RBM20: variants seen among roughly 807,000 people sequenced by gnomAD.
RBM20 encodes the protein RNA-binding protein 20.
A neutral mutation model predicts 110.1 loss-of-function variants in RBM20; 51 were observed. The observed-to-expected ratio is 0.46, with a 90% confidence interval of 0.37 to 0.59. The LOEUF (loss-of-function observed/expected upper bound fraction) is 0.59, where lower values mean the gene tolerates loss of function less well. Ranked by LOEUF, RBM20 falls within the 20% of genes least tolerant of loss-of-function variation. The pLI, the probability that RBM20 is intolerant of heterozygous loss-of-function variation, is 0.00. For missense variants in RBM20, 1,512 were observed against 1,574.9 expected, an observed-to-expected ratio of 0.96 and a Z score of 0.68; for synonymous variants, 589 against 618.2, an observed-to-expected ratio of 0.95 and a Z score of 0.70.
chr10:110,676,780 C>T (rs984075924), intron 1 of RBM20, among the ~76,000 whole-genome samples: 4 of 101,714 alleles, frequency 3.9e-5, no homozygotes, highest in East Asian at 2.7e-4. Context: ...TCTTTGGAAG[C>T]AACAAATGCT....
At chr10:110,645,419 G>A (rs1861855082) in intron 1 of RBM20, among the ~76,000 whole-genome samples, 2 of 152,200 alleles carry the variant, frequency 1.3e-5, no homozygotes, top group Non-Finnish European at 2.9e-5. Context: ...TTATTTGAAG[G>A]ATCTCTGCTC....
intron 12 of RBM20, among the ~76,000 whole-genome samples, chr10:110,824,841 G>C (rs1844963001): frequency 6.6e-6 from 1 of 152,186 alleles, no homozygotes; most frequent in Non-Finnish European, 1.5e-5. Flanking sequence ...ACCTGGGAAA[G>C]TGTCACAAGG....
chr10:110,799,654 A>C, intron 6 of RBM20, 133 bp from the exon 7 acceptor site: 1 of 835,008 alleles, frequency 1.2e-6, no homozygotes, highest in Non-Finnish European at 1.8e-6. Context: ...GAGAAGCTCA[A>C]TGCTAACTCC....
intron 1 of RBM20, among the ~76,000 whole-genome samples, chr10:110,700,758 G>C (rs1862745330): frequency 6.6e-6 from 1 of 152,186 alleles, no homozygotes; most frequent in Non-Finnish European, 1.5e-5. Context: ...GCTCACCCCT[G>C]TCATCCTAGC....
intron 12 of RBM20, among the ~76,000 whole-genome samples, chr10:110,827,398 G>C (rs561353764): frequency 2.1e-3 from 308 of 143,366 alleles, no homozygotes; most frequent in African/African-American, 7.3e-3. Context: ...AGAAAAAAAG[G>C]AAAAGAAACA....
At chr10:110,719,272 G>T (rs1381070756) in intron 1 of RBM20, among the ~76,000 whole-genome samples, 2 of 152,214 alleles carry the variant, frequency 1.3e-5, no homozygotes. Context: ...TCTTGAAAAT[G>T]AAAACACATG....
intron 1 of RBM20, among the ~76,000 whole-genome samples, chr10:110,774,742 G>C (rs899688881): frequency 1.3e-5 from 2 of 152,110 alleles, no homozygotes; most frequent in Admixed American, 1.3e-4. Flanking sequence ...TAAATTGTCT[G>C]TAAGGCCTCA....
At chr10:110,832,441 G>A (rs1845069301) in intron 13 of RBM20, among the ~76,000 whole-genome samples, 1 of 152,108 alleles carries the variant, frequency 6.6e-6, no homozygotes, top group African/African-American at 2.4e-5. Flanking sequence ...CAGGTACTAA[G>A]TTATATATTT....
chr10:110,763,685 T>C (rs183037136), intron 1 of RBM20, among the ~76,000 whole-genome samples: 56 of 149,832 alleles, frequency 3.7e-4, no homozygotes, highest in African/African-American at 1.3e-3. Flanking sequence ...CATTTCTAAG[T>C]AATCAAACTC....
chr10:110,746,619 C>T (rs1843784323), intron 1 of RBM20, among the ~76,000 whole-genome samples: 1 of 152,326 alleles, frequency 6.6e-6, no homozygotes, highest in Admixed American at 6.5e-5. Flanking sequence ...GCCCTTCAAG[C>T]TGTGGGAATT....
chr10:110,697,946 C>T (rs1432309628), intron 1 of RBM20, among the ~76,000 whole-genome samples: 2 of 146,148 alleles, frequency 1.4e-5, no homozygotes, highest in East Asian at 2.0e-4. Flanking sequence ...CTCACTCTGT[C>T]GCCCGGGCTG....
chr10:110,690,016 A>G (rs1475658192), intron 1 of RBM20, among the ~76,000 whole-genome samples: 2 of 152,240 alleles, frequency 1.3e-5, no homozygotes, highest in Non-Finnish European at 2.9e-5. Context: ...GAATGATATC[A>G]GTTATCTTAA....
chr10:110,678,949 G>A (rs1862381444), intron 1 of RBM20, among the ~76,000 whole-genome samples: 1 of 152,184 alleles, frequency 6.6e-6, no homozygotes, highest in African/African-American at 2.4e-5. Flanking sequence ...CCCACACTTG[G>A]AGATAAAGAG....
rs116150205 is a variant in RBM20 at position 110,673,939 on chromosome 10, G to C, written c.191+29294G>C. Among the ~76,000 whole-genome samples the C allele has an allele frequency of 4.7e-3, 715 of 152,260 alleles. 4 individuals are homozygous for C. Among genetic ancestry groups the C allele is most frequent in the African/African-American group, 0.016 (671 of 41,518 alleles). On this transcript the variant is annotated intron_variant, in intron 1 of 13. Transcript: ENST00000369519. The stretch of plus-strand genomic sequence containing the variant: ...AGGGTTGGCTTCCTAAACATTTTGG[G>C]GAGAATGAATCTACCAGCAGAGAAG...
chr10:110,816,793 C>T (rs1178453917), intron 9 of RBM20, among the ~76,000 whole-genome samples: 2 of 152,188 alleles, frequency 1.3e-5, no homozygotes, highest in Non-Finnish European at 2.9e-5. Flanking sequence ...GAAGCAAAGG[C>T]CTGGCTTCTG....
At chr10:110,660,008 G>C (rs1319564409) in intron 1 of RBM20, among the ~76,000 whole-genome samples, 1 of 151,500 alleles carries the variant, frequency 6.6e-6, no homozygotes, top group Non-Finnish European at 1.5e-5. Context: ...TGTAGAGTCC[G>C]GTTTTCACCA....
intron 1 of RBM20, among the ~76,000 whole-genome samples, chr10:110,683,674 A>G (rs750457340): frequency 6.6e-6 from 1 of 152,244 alleles, no homozygotes; most frequent in Non-Finnish European, 1.5e-5. Context: ...TTTTGCCTCA[A>G]TTGGAGAGCC....
chr10:110,698,160 G>A (rs1029987724), intron 1 of RBM20, among the ~76,000 whole-genome samples: 1 of 152,002 alleles, frequency 6.6e-6, no homozygotes, highest in Admixed American at 6.5e-5. Context: ...CGCCCACCTC[G>A]GCCTCCCAAA....
chr10:110,704,768 A>G (rs971208146), intron 1 of RBM20, among the ~76,000 whole-genome samples: 6 of 152,214 alleles, frequency 3.9e-5, no homozygotes, highest in African/African-American at 1.2e-4. Context: ...GGCCTGAAAC[A>G]GCCCAGAGGA....
Sources: gnomAD v4.1 joint callset for allele counts (sites outside exome capture counted in the v4.1 genomes callset) on GRCh38, gnomAD v4.1.1 for gene constraint, MANE v1.5 for transcripts, NCBI Gene and HGNC (gene_info 2026-07-23, HGNC 2026-07-21) for gene names.